The following LOXL2 variants were observed in gnomAD, a reference collection of about 807,000 sequenced individuals.
LOXL2 encodes lysyl oxidase homolog 2.
LOXL2 carries 70 observed loss-of-function variants against 93.0 expected under a neutral mutation model. The ratio of observed to expected loss-of-function variants is 0.75; its 90% CI spans 0.62 to 0.92. The LOEUF is 0.92. Ranked by LOEUF, LOXL2 falls within the 40% of genes least tolerant of loss-of-function variation. The pLI is 0.00. For missense variants in LOXL2, 973 were observed against 1,054.9 expected (o/e 0.92, Z 1.08); for synonymous variants, 438 against 413.2 (o/e 1.06, Z -0.73).
rs1244906500 is a variant in LOXL2, at chr8:23,383,646, GTTTTTTTTTTGTTT to G, written c.-83-15226_-83-15213del. The stretch of plus-strand genomic sequence containing the variant: ...GTTATTTCTAAGAGGGCACTTTTAC[GTTTTTTTTTTGTTT>G]TTTTTTTTTTTTTTTTTTGAGACAG... On this transcript the variant is annotated intron_variant, in intron 1 of 13. Transcript: ENST00000389131. Among the ~76,000 whole-genome samples the G allele has an allele frequency of 6.2e-4, 73 of 117,636 alleles. 1 individual carries two copies. Among genetic ancestry groups the G allele is most frequent in the South Asian group, 5.8e-3 (22 of 3,772 alleles). The allele number at this position is 117,636 out of a possible 152,430, so 77.2% of individuals were successfully genotyped here.
intron 3 of LOXL2, among the ~76,000 whole-genome samples, chr8:23,345,784 C>A (rs1190865028): frequency 6.6e-6 from 1 of 152,000 alleles, no homozygotes; most frequent in African/African-American, 2.4e-5. Flanking sequence ...AAAATTCAGC[C>A]CCAGCCGGGC....
chr8:23,309,948 A>T (rs1803296894), intron 9 of LOXL2, 37 bp from the exon 10 acceptor site: 3 of 1,416,704 alleles, frequency 2.1e-6, no homozygotes, highest in Non-Finnish European at 1.9e-6. Context: ...AAGGCAAGAG[A>T]CCCCTCCCCA....
chr8:23,398,455 C>T (rs1272293028), intron 1 of LOXL2, among the ~76,000 whole-genome samples: 1 of 152,134 alleles, frequency 6.6e-6, no homozygotes, highest in African/African-American at 2.4e-5. Flanking sequence ...TAAGGTATCC[C>T]AAGTGAAGGG....
intron 8 of LOXL2, among the ~76,000 whole-genome samples, chr8:23,317,457 A>C (rs1407561771): frequency 1.3e-5 from 2 of 152,192 alleles, no homozygotes; most frequent in Non-Finnish European, 2.9e-5. Flanking sequence ...AGACATTGCT[A>C]ATCAATCACA....
intron 3 of LOXL2, among the ~76,000 whole-genome samples, chr8:23,350,144 G>A (rs1393128164): frequency 3.9e-5 from 6 of 152,064 alleles, no homozygotes; most frequent in Admixed American, 6.5e-5. Context: ...ATTAAAAGCC[G>A]TCTGATCCTC....
In LOXL2 at chr8:23,297,705, T is replaced by G. The variant is rs1803058707; in HGVS notation, c.*338A>C. The G allele has an allele frequency of 4.0e-6, 1 of 247,342 alleles. No homozygotes were observed. 15.3% of individuals were successfully genotyped at this position (247,342 alleles called of 1,614,324 possible). On this transcript the variant is annotated 3_prime_UTR_variant, in exon 14 of 14. Coordinates refer to ENST00000389131, the MANE Select transcript of LOXL2 (RefSeq NM_002318.3). ...GAGAAGAGCGCGGCTCCACTGTGTC[T>G]GTGGTGAGCTCGGTGGCTTGAATGG... is the stretch of plus-strand genomic sequence containing the variant.
intron 6 of LOXL2, among the ~76,000 whole-genome samples, chr8:23,322,509 G>T (rs1221172861): frequency 6.6e-6 from 1 of 152,160 alleles, no homozygotes; most frequent in Non-Finnish European, 1.5e-5. Flanking sequence ...CTACTGATTT[G>T]CTGTGTGACC....
intron 3 of LOXL2, among the ~76,000 whole-genome samples, chr8:23,353,980 G>T (rs193066891): frequency 2.0e-3 from 301 of 152,250 alleles, no homozygotes; most frequent in Non-Finnish European, 3.3e-3. Context: ...CTCTAGAGGG[G>T]AATTTACAAA....
At chr8:23,348,660 G>A (rs1585363489) in intron 3 of LOXL2, among the ~76,000 whole-genome samples, 1 of 152,010 alleles carries the variant, frequency 6.6e-6, no homozygotes, top group Admixed American at 6.5e-5. Flanking sequence ...GGTGGATCAC[G>A]AGGCCAGGAG....
intron 3 of LOXL2, among the ~76,000 whole-genome samples, chr8:23,348,560 C>A (rs1804032058): frequency 6.6e-6 from 1 of 151,180 alleles, no homozygotes; most frequent in Admixed American, 6.6e-5. Context: ...AGAGCGAGAT[C>A]TTCTAAGAAA....
At chr8:23,323,718 G>A (rs1426718268) in intron 6 of LOXL2, among the ~76,000 whole-genome samples, 1 of 150,336 alleles carries the variant, frequency 6.7e-6, no homozygotes, top group African/African-American at 2.5e-5. Flanking sequence ...GGGGGTGGGG[G>A]TGGGACGAAC....
intron 5 of LOXL2, among the ~76,000 whole-genome samples, chr8:23,330,491 G>A (rs889587408): frequency 1.3e-5 from 2 of 152,128 alleles, no homozygotes; most frequent in African/African-American, 4.8e-5. Flanking sequence ...CCACAGAATG[G>A]ACCATCCATG....
chr8:23,320,115 C>T, intron 7 of LOXL2, 63 bp from the exon 8 acceptor site: 1 of 1,536,402 alleles, frequency 6.5e-7, no homozygotes, highest in Non-Finnish European at 8.9e-7. Flanking sequence ...CCCTACGCTG[C>T]CATCAGCCCC....
rs202137173 is a variant in LOXL2 at position 23,317,429 on chromosome 8, C to CT, written c.1471-316_1471-315insA. The stretch of plus-strand genomic sequence containing the variant: ...GCACACAACTCAGGTTGCCCACTCC[C>CT]CAGTCCTGATCCAGGGCAGACATTG... On this transcript the variant is annotated intron_variant, in intron 8 of 13. Coordinates refer to ENST00000389131, the MANE Select transcript of LOXL2 (RefSeq NM_002318.3). 7.7e-3 allele frequency among the ~76,000 whole-genome samples: 1,171 copies of CT among 152,302 alleles called. 17 individuals are homozygous for CT. The highest frequency in any genetic ancestry group is 0.027 in the African/African-American group (1,120 of 41,580).
At chr8:23,314,350 T>G (rs13263754) in intron 9 of LOXL2, among the ~76,000 whole-genome samples, 86,588 of 132,574 alleles carry the variant, frequency 0.65, 28,993 homozygotes, top group South Asian at 0.8. Context: ...ACACGTATGT[T>G]TATTGCGGTA....
At chr8:23,335,193 T>C (rs551820736) in intron 4 of LOXL2, among the ~76,000 whole-genome samples, 50 of 152,138 alleles carry the variant, frequency 3.3e-4, no homozygotes, top group Non-Finnish European at 4.9e-4. Context: ...GGAGACCCCC[T>C]CACCCCATCT....
intron 9 of LOXL2, among the ~76,000 whole-genome samples, chr8:23,316,487 C>T (rs1023496347): frequency 6.6e-6 from 1 of 152,138 alleles, no homozygotes; most frequent in African/African-American, 2.4e-5. Context: ...TCCTGGCTGG[C>T]ATTCCCTTCT....
intron 12 of LOXL2, among the ~76,000 whole-genome samples, chr8:23,299,541 T>A (rs1168769015): frequency 6.6e-6 from 1 of 151,420 alleles, no homozygotes; most frequent in Non-Finnish European, 1.5e-5. Flanking sequence ...TGTATCCGCA[T>A]CCCCCCAGCT....
At chr8:23,337,048 T>C (rs1488841621) in intron 4 of LOXL2, 1 of 152,202 alleles carries the variant, frequency 6.6e-6, no homozygotes, top group East Asian at 1.9e-4. Context: ...GATAGACTTT[T>C]GTTTGCTTGA....
Sources: gnomAD v4.1 joint callset for allele counts (sites outside exome capture counted in the v4.1 genomes callset) on GRCh38, gnomAD v4.1.1 for gene constraint, MANE v1.5 for transcripts, NCBI Gene and HGNC (gene_info 2026-07-23, HGNC 2026-07-21) for gene names.